SEC14L6: variants seen among roughly 807,000 people sequenced by gnomAD.
SEC14L6 encodes SEC14 like lipid binding 6, also known as SEC14-like protein 6.
SEC14L6 carries 40 observed loss-of-function variants against 54.1 expected under a neutral mutation model. The observed-to-expected ratio is 0.74, with a 90% CI of 0.57 to 0.96. SEC14L6 has a LOEUF of 0.96. Ranked by LOEUF, SEC14L6 falls within the 40% of genes least tolerant of loss-of-function variation. The probability of loss-of-function intolerance (pLI) is 0.00; values close to 1 mark genes in which losing one functional copy is unlikely to be tolerated. For missense variants in SEC14L6, 471 were observed against 498.3 expected (o/e 0.95, Z 0.52); for synonymous variants, 171 against 198.4 (o/e 0.86, Z 1.16).
chr22:30,535,398 A>T (rs903668945), intron 2 of SEC14L6, among the ~76,000 whole-genome samples: 5 of 152,214 alleles, frequency 3.3e-5, no homozygotes, highest in African/African-American at 1.2e-4. Context: ...CTTGGTCCCC[A>T]GGGCCTTGGG....
intron 1 of SEC14L6, among the ~76,000 whole-genome samples, chr22:30,541,475 A>G (rs2146298381): frequency 6.6e-6 from 1 of 152,298 alleles, no homozygotes; most frequent in African/African-American, 2.4e-5. Flanking sequence ...TCTGGCCAAC[A>G]TGGCAAAACC....
intron 1 of SEC14L6, chr22:30,543,634 C>T: frequency 6.2e-7 from 1 of 1,613,246 alleles, no homozygotes. Context: ...CCTGAAGGAG[C>T]AGAGCTCAAA....
intron 4 of SEC14L6, 41 bp downstream of exon 4, chr22:30,532,756 G>T (rs753152708): frequency 8.5e-5 from 136 of 1,603,946 alleles, no homozygotes; most frequent in Non-Finnish European, 1.1e-4. Context: ...GCCGAGGGCT[G>T]AGGGCCCAGG....
At chr22:30,531,442 G>A (rs527730097) in intron 6 of SEC14L6, among the ~76,000 whole-genome samples, 6 of 148,000 alleles carry the variant, frequency 4.1e-5, no homozygotes, top group South Asian at 2.2e-4. Flanking sequence ...AAAAAAAAAC[G>A]GGCCAGGCAC....
At chr22:30,527,305 C>T (rs1230231368) in intron 8 of SEC14L6, among the ~76,000 whole-genome samples, 4 of 151,702 alleles carry the variant, frequency 2.6e-5, no homozygotes, top group Admixed American at 2.0e-4. Flanking sequence ...TCATGAGACA[C>T]AAGAAGGCAA....
At chr22:30,544,234 C>T (rs184853498) in intron 1 of SEC14L6, 1 of 569,368 alleles carries the variant, frequency 1.8e-6, no homozygotes, top group Non-Finnish European at 3.1e-6. Flanking sequence ...TCTCTCCCCA[C>T]CCCTCCTTGG....
chr22:30,539,109 G>T (rs2085651652), intron 1 of SEC14L6, among the ~76,000 whole-genome samples: 1 of 152,216 alleles, frequency 6.6e-6, no homozygotes, highest in Admixed American at 6.5e-5. Flanking sequence ...AGGCGCGGTG[G>T]CTCACGCCTG....
At chr22:30,534,833 T>C (rs1385964917) in intron 2 of SEC14L6, among the ~76,000 whole-genome samples, 1 of 152,138 alleles carries the variant, frequency 6.6e-6, no homozygotes, top group Non-Finnish European at 1.5e-5. Context: ...GAGACCAGCC[T>C]GGACAACATA....
At chr22:30,546,210 C>A (rs2085796042) in intron 1 of SEC14L6, among the ~76,000 whole-genome samples, 1 of 151,582 alleles carries the variant, frequency 6.6e-6, no homozygotes, top group South Asian at 2.1e-4. Context: ...TGGTTAAAAC[C>A]CCATCTCTAC....
At chr22:30,540,788 G>A (rs964195159) in intron 1 of SEC14L6, among the ~76,000 whole-genome samples, 2 of 151,688 alleles carry the variant, frequency 1.3e-5, no homozygotes, top group African/African-American at 4.8e-5. Flanking sequence ...GGAGGCCAAG[G>A]CGGGCAGATC....
Position 30,522,826 on chromosome 22 carries a change from C to T in SEC14L6, c.*2171G>A, listed in dbSNP as rs910355077. 6.6e-6 allele frequency: 1 copy of T among 152,116 alleles called. No individual in the cohort carries two copies. The highest frequency in any genetic ancestry group is 2.4e-5 in the African/African-American group (1 of 41,414). The allele number at this position is 152,116 out of a possible 1,614,324, so 9.4% of individuals were successfully genotyped here. On this transcript the variant is annotated 3_prime_UTR_variant, in exon 12 of 12. Coordinates refer to ENST00000402034, the MANE Select transcript of SEC14L6 (RefSeq NM_001193336.4). ...CTTACAACAGCTTTATTCATAATCG[C>T]CCCCAAACTGGAAGCGACTCAACCA...
chr22:30,526,084 G>C (rs56968636), intron 8 of SEC14L6, among the ~76,000 whole-genome samples, 152 bp from the exon 9 acceptor site: 2,727 of 152,308 alleles, frequency 0.018, 76 homozygotes, highest in African/African-American at 0.062. Context: ...TGTCCCAGAA[G>C]AGGGAAGCCA....
Position 30,524,683 on chromosome 22 carries a change from T to A in SEC14L6, c.*314A>T, listed in dbSNP as rs947876782. 1 of 248,874 alleles carries A rather than the reference T, an allele frequency of 4.0e-6. No homozygotes were observed. The highest frequency in any genetic ancestry group is 2.2e-5 in the African/African-American group (1 of 44,806). The allele number at this position is 248,874 out of a possible 1,614,324, so 15.4% of individuals were successfully genotyped here. A position where few individuals can be genotyped will look rare whatever the true frequency, so the allele number is the denominator to read the frequency against. ...TGAGCCACCATGCCTGGCCTAATAC[T>A]ATATTTTAGAAGAGTAACTTATTTC... On this transcript the variant is annotated 3_prime_UTR_variant, in exon 12 of 12. Transcript: ENST00000402034.
At chr22:30,544,523 T>C (rs2085779194) in intron 1 of SEC14L6, among the ~76,000 whole-genome samples, 1 of 152,028 alleles carries the variant, frequency 6.6e-6, no homozygotes, top group African/African-American at 2.4e-5. Flanking sequence ...GTGGGGAAGA[T>C]TTCCCCTTTA....
intron 1 of SEC14L6, chr22:30,542,928 C>CTACTT: frequency 6.2e-7 from 1 of 1,601,124 alleles, no homozygotes; most frequent in South Asian, 1.1e-5. Context: ...CCGGCACCTA[C>CTACTT]TACTGTGTGA....
At chr22:30,535,468 C>T (rs1283470074) in intron 2 of SEC14L6, among the ~76,000 whole-genome samples, 3 of 152,264 alleles carry the variant, frequency 2.0e-5, no homozygotes, top group South Asian at 2.1e-4. Flanking sequence ...CTGCCAGTGG[C>T]GGGGAGAGAG....
In SEC14L6 at chr22:30,525,087, G is replaced by A. The variant is rs949870680; in HGVS notation, c.1104C>T (p.Thr368=). The A allele has an allele frequency of 3.9e-6, 6 of 1,549,030 alleles. No homozygotes were observed. Among genetic ancestry groups the A allele is most frequent in the East Asian group, 2.4e-5 (1 of 40,914 alleles). ...TGCGTTTAGAATGAACCAGGCTGTA[G>A]GTGTTGTAAAACCTCAGGACATCTG... ...AGSYVLRFYN[T]YSLVHSKRIS... is the part of the protein sequence containing the mutation. Residue 368 remains threonine, a synonymous_variant, in exon 12 of 12, where the codon ACC becomes ACT. Coordinates refer to ENST00000402034, the MANE Select transcript of SEC14L6 (RefSeq NM_001193336.4).
rs748038979 is a variant in SEC14L6, at chr22:30,538,839, G to A, written c.118C>T (p.Arg40Cys). The A allele has an allele frequency of 6.6e-5, 103 of 1,557,146 alleles. 1 individual carries two copies. Among genetic ancestry groups the A allele is most frequent in the East Asian group, 1.2e-4 (5 of 41,760 alleles). The change falls in exon 2 of 12, where the codon CGC becomes TGC. Residue 40 changes from arginine (R) to cysteine (C), a missense_variant. Coordinates refer to ENST00000402034, the MANE Select transcript of SEC14L6 (RefSeq NM_001193336.4). ...GCTCTATCCTTACCTTGGAGCCAGC[G>A]CAGGAGGAAGTAGTCATCAGGATTG... is the stretch of plus-strand genomic sequence containing the variant. ...LPNPDDYFLL[R>C]WLQARSFDLQ...
chr22:30,546,685 T>C lies in SEC14L6; in HGVS notation c.-3A>G. On this transcript the variant is annotated 5_prime_UTR_variant, in exon 1 of 12. Coordinates refer to ENST00000402034, the MANE Select transcript of SEC14L6 (RefSeq NM_001193336.4). Reference sequence around the variant, plus strand: ...AGGTCACCCACTTGTCCACTCATGCTGCCCATGAATGGGTCCAGGCTCCAC... The same window carrying C: ...AGGTCACCCACTTGTCCACTCATGCCGCCCATGAATGGGTCCAGGCTCCAC... 1 of 1,550,400 alleles carries C rather than the reference T, an allele frequency of 6.4e-7. No individual in the cohort carries two copies. Among genetic ancestry groups the C allele is most frequent in the Non-Finnish European group, 8.7e-7 (1 of 1,146,830 alleles).
Sources: allele counts gnomAD v4.1 joint callset (sites outside exome capture counted in the v4.1 genomes callset), GRCh38; gene constraint gnomAD v4.1.1; transcripts MANE v1.5; gene names NCBI Gene and HGNC (gene_info 2026-07-23, HGNC 2026-07-21).